Variants in CDK6 observed in about 807,000 individuals in gnomAD.
The protein encoded by CDK6 is cyclin dependent kinase 6.
CDK6 carries 6 observed loss-of-function variants against 37.1 expected under a neutral mutation model. The ratio of observed to expected loss-of-function variants is 0.16; its 90% CI spans 0.09 to 0.32. CDK6 has a LOEUF of 0.32. Among genes scored for constraint, CDK6 ranks in the 10% least tolerant of loss-of-function variants. The pLI is 1.00. For missense variants in CDK6, 224 were observed against 418.9 expected (o/e 0.53, Z 4.06); for synonymous variants, 160 against 161.3 (o/e 0.99, Z 0.06).
chr7:92,632,012 G>A (rs149821784), intron 5 of CDK6, among the ~76,000 whole-genome samples: 12 of 152,170 alleles, frequency 7.9e-5, no homozygotes, highest in African/African-American at 2.2e-4. Context: ...TAACTAAAAT[G>A]TGGCTCTCAA....
intron 3 of CDK6, among the ~76,000 whole-genome samples, chr7:92,757,376 C>T (rs1360721452): frequency 6.6e-6 from 1 of 152,182 alleles, no homozygotes; most frequent in African/African-American, 2.4e-5. Flanking sequence ...CATCATTTAG[C>T]TCCCACTTAC....
At chr7:92,682,476 C>T (rs1585395696) in intron 4 of CDK6, among the ~76,000 whole-genome samples, 1 of 152,164 alleles carries the variant, frequency 6.6e-6, no homozygotes, top group African/African-American at 2.4e-5. Flanking sequence ...CCTAGTCCTC[C>T]GCAAGCATAA....
At chr7:92,712,264 G>A (rs1257325509) in intron 4 of CDK6, among the ~76,000 whole-genome samples, 1 of 152,106 alleles carries the variant, frequency 6.6e-6, no homozygotes, top group Non-Finnish European at 1.5e-5. Context: ...ACTGGATTTG[G>A]TGAACTCTAT....
intron 4 of CDK6, among the ~76,000 whole-genome samples, chr7:92,714,167 G>A (rs186401546): frequency 2.6e-5 from 4 of 152,296 alleles, no homozygotes; most frequent in East Asian, 1.9e-4. Flanking sequence ...AAAAGTGCAC[G>A]GGAGGGTAGG....
At chr7:92,752,046 C>T (rs999667890) in intron 3 of CDK6, among the ~76,000 whole-genome samples, 1 of 152,092 alleles carries the variant, frequency 6.6e-6, no homozygotes, top group African/African-American at 2.4e-5. Context: ...ATGGGTTGTG[C>T]AAGAGTCACA....
chr7:92,753,493 A>T (rs3731309), intron 3 of CDK6, among the ~76,000 whole-genome samples: 2 of 151,416 alleles, frequency 1.3e-5, no homozygotes, highest in African/African-American at 4.8e-5. Context: ...AGATTATCTT[A>T]TTTATTTATT....
intron 3 of CDK6, among the ~76,000 whole-genome samples, chr7:92,762,724 T>C (rs1799487197): frequency 6.6e-6 from 1 of 151,988 alleles, no homozygotes; most frequent in Non-Finnish European, 1.5e-5. Flanking sequence ...TGTGCCACCA[T>C]GCCCAGCTAA....
chr7:92,796,869 A>G (rs558454758), intron 2 of CDK6, among the ~76,000 whole-genome samples: 4 of 152,260 alleles, frequency 2.6e-5, no homozygotes, highest in African/African-American at 9.6e-5. Flanking sequence ...ATGAACAGAC[A>G]GAAAAGTATC....
intron 5 of CDK6, among the ~76,000 whole-genome samples, chr7:92,661,863 C>T (rs1245859314): frequency 1.3e-5 from 2 of 152,128 alleles, no homozygotes; most frequent in Admixed American, 1.3e-4. Context: ...CAGAGCGTGG[C>T]TCACAGTAAG....
chr7:92,825,590 C>T (rs1801291137), intron 2 of CDK6, among the ~76,000 whole-genome samples: 1 of 152,124 alleles, frequency 6.6e-6, no homozygotes, highest in African/African-American at 2.4e-5. Context: ...TCTCTGTACA[C>T]AAATTATGAA....
At chr7:92,757,788 C>A (rs1448978682) in intron 3 of CDK6, among the ~76,000 whole-genome samples, 3 of 152,108 alleles carry the variant, frequency 2.0e-5, no homozygotes, top group African/African-American at 7.2e-5. Flanking sequence ...TATAGTGTTC[C>A]CTTTTCTCTA....
At chr7:92,766,443 G>C (rs962077185) in intron 3 of CDK6, among the ~76,000 whole-genome samples, 1 of 152,220 alleles carries the variant, frequency 6.6e-6, no homozygotes, top group Non-Finnish European at 1.5e-5. Flanking sequence ...GAGTTTGGCA[G>C]AGGATTCTCG....
chr7:92,778,369 C>T (rs1799901306), intron 2 of CDK6, among the ~76,000 whole-genome samples: 1 of 152,100 alleles, frequency 6.6e-6, no homozygotes, highest in African/African-American at 2.4e-5. Flanking sequence ...TTAATATTTT[C>T]CCCTAATGTT....
At chr7:92,628,180 C>T (rs992815345) in intron 5 of CDK6, among the ~76,000 whole-genome samples, 1 of 152,058 alleles carries the variant, frequency 6.6e-6, no homozygotes, top group Non-Finnish European at 1.5e-5. Context: ...TGGTATGAAA[C>T]TATTATCTTA....
chr7:92,646,403 C>CTTTTTT, intron 5 of CDK6, among the ~76,000 whole-genome samples: 1 of 144,286 alleles, frequency 6.9e-6, no homozygotes, highest in African/African-American at 2.5e-5. Context: ...TTTTCTTTTT[C>CTTTTTT]TTTTTTTTTT....
Position 92,833,349 on chromosome 7 carries a change from C to A in CDK6, c.-26G>T. On this transcript the variant is annotated 5_prime_UTR_variant, in exon 2 of 8. Coordinates refer to ENST00000424848, the MANE Select transcript of CDK6 (RefSeq NM_001145306.2). This position sits in a 1 kb window ranked among gnomAD's most constrained non-coding sequence, Gnocchi z 6.1. Reference sequence around the variant, plus strand: ...GCCGCCTGGACGCCGCCCGCCGCGGCGCCGCTGGGGCGGGCGGGGGGTGCG... The same window carrying A: ...GCCGCCTGGACGCCGCCCGCCGCGGAGCCGCTGGGGCGGGCGGGGGGTGCG... The A allele has an allele frequency of 6.5e-7, 1 of 1,528,794 alleles. No individual in the cohort carries two copies. The highest frequency in any genetic ancestry group is 1.9e-5 in the Admixed American group (1 of 51,672). 94.7% of individuals were successfully genotyped at this position (1,528,794 alleles called of 1,614,324 possible).
chr7:92,615,356 T>C, intron 7 of CDK6, 70 bp from the exon 8 acceptor site: 3 of 1,290,464 alleles, frequency 2.3e-6, no homozygotes, highest in Non-Finnish European at 3.3e-6. Flanking sequence ...TACAGAGTTA[T>C]CCCTTTATTC....
intron 4 of CDK6, among the ~76,000 whole-genome samples, chr7:92,687,043 T>C (rs1182002751): frequency 2.0e-5 from 3 of 152,220 alleles, no homozygotes; most frequent in South Asian, 2.1e-4. Flanking sequence ...GTTGGAAGTA[T>C]AGATTGTGAA....
At chr7:92,618,234 A>G in intron 6 of CDK6, 27 bp from the exon 7 acceptor site, 10 of 1,611,836 alleles carry the variant, frequency 6.2e-6, no homozygotes, top group East Asian at 2.2e-5. Flanking sequence ...CATGGACATA[A>G]GCATTAGCTA....
Sources: gnomAD v4.1 joint callset for allele counts (sites outside exome capture counted in the v4.1 genomes callset) on GRCh38, gnomAD v4.1.1 for gene constraint, Gnocchi (gnomAD v3.1) non-coding constraint, MANE v1.5 for transcripts, NCBI Gene and HGNC (gene_info 2026-07-23, HGNC 2026-07-21) for gene names.